Variants in LMO7 observed in about 807,000 individuals in gnomAD.
The protein encoded by LMO7 is LIM domain only protein 7.
Under a neutral mutation model 206.5 loss-of-function variants are expected in LMO7, and 120 were observed. The ratio of observed to expected loss-of-function variants is 0.58; its 90% CI spans 0.50 to 0.68. LMO7 has a LOEUF of 0.68. Ranked by LOEUF, LMO7 falls within the 30% of genes least tolerant of loss-of-function variation. The pLI, the probability that LMO7 is intolerant of heterozygous loss-of-function variation, is 0.00. For synonymous variants in LMO7, 706 were observed against 681.5 expected, an observed-to-expected ratio of 1.04 and a Z score of -0.56; for missense variants, 1,959 against 1,957.9, an observed-to-expected ratio of 1.00 and a Z score of -0.01.
intron 1 of LMO7, among the ~76,000 whole-genome samples, chr13:75,669,533 G>A (rs935401597): frequency 2.6e-5 from 4 of 152,116 alleles, no homozygotes; most frequent in Non-Finnish European, 5.9e-5. Context: ...CAGGAAGTCT[G>A]GGTGATAAGG....
chr13:75,626,574 A>ATG (rs1566249041), intron 2 of LMO7, among the ~76,000 whole-genome samples: 25 of 78,406 alleles, frequency 3.2e-4, no homozygotes, highest in Non-Finnish European at 7.3e-4. Context: ...CTTAACATAT[A>ATG]TATTATATAT....
chr13:75,679,138 A>G (rs1196000627), intron 1 of LMO7, among the ~76,000 whole-genome samples: 1 of 152,212 alleles, frequency 6.6e-6, no homozygotes, highest in Non-Finnish European at 1.5e-5. Context: ...GAACACATAT[A>G]TAGAGCACCT....
At chr13:75,739,648 C>A (rs1162642671) in intron 3 of LMO7, among the ~76,000 whole-genome samples, 6 of 152,178 alleles carry the variant, frequency 3.9e-5, no homozygotes, top group Admixed American at 3.9e-4. Flanking sequence ...TACACACTTC[C>A]CCTCACTCTC....
intron 3 of LMO7, among the ~76,000 whole-genome samples, chr13:75,736,546 T>C (rs2045835169): frequency 1.3e-5 from 2 of 152,254 alleles, no homozygotes; most frequent in South Asian, 4.1e-4. Context: ...TGAAGATTTT[T>C]CTAGTTTACA....
chr13:75,641,825 CTTT>C (rs781445163), intron 1 of LMO7, among the ~76,000 whole-genome samples: 2 of 140,798 alleles, frequency 1.4e-5, no homozygotes. Flanking sequence ...TTTTGTATTT[CTTT>C]TTTTTTTTTT....
At chr13:75,702,486 A>G (rs1376757545) in intron 1 of LMO7, among the ~76,000 whole-genome samples, 2 of 152,246 alleles carry the variant, frequency 1.3e-5, no homozygotes, top group African/African-American at 4.8e-5. Context: ...TGGTTTTGCT[A>G]TCAAATGATA....
Position 75,840,083 on chromosome 13 carries a change from A to C in LMO7, c.3452-2A>C. ...CTTCCTTGCCCATGTGCTGCAACAC[A>C]GGAAGCTCTGATTCGGTGGTTCCTG... On this transcript the variant is annotated splice_acceptor_variant, in intron 20 of 30. Transcript: ENST00000377534. LOFTEE classifies it high-confidence loss of function. The C allele has an allele frequency of 6.2e-7, 1 of 1,613,988 alleles. No individual in the cohort carries two copies. Among genetic ancestry groups the C allele is most frequent in the Non-Finnish European group, 8.5e-7 (1 of 1,179,858 alleles).
At chr13:75,646,575 C>CTT (rs72416416) in intron 1 of LMO7, among the ~76,000 whole-genome samples, 1 of 139,498 alleles carries the variant, frequency 7.2e-6, no homozygotes, top group Non-Finnish European at 1.5e-5. Context: ...GTAGAGAGAA[C>CTT]TTTTTTTTTT....
At chr13:75,728,400 C>T (rs1212118649) in intron 3 of LMO7, among the ~76,000 whole-genome samples, 11 of 152,098 alleles carry the variant, frequency 7.2e-5, no homozygotes, top group East Asian at 1.9e-4. Context: ...TTTCATGTGT[C>T]TTTTGGCTGC....
chr13:75,703,924 A>G (rs927539687), intron 1 of LMO7, among the ~76,000 whole-genome samples: 1 of 152,128 alleles, frequency 6.6e-6, no homozygotes, highest in Admixed American at 6.5e-5. Flanking sequence ...TAATCCTTGC[A>G]TTTGTAAGTT....
In LMO7 at chr13:75,820,911, T is replaced by C. The variant is rs1050685886; in HGVS notation, c.2208-266T>C. Among the ~76,000 whole-genome samples, 7 of 151,914 alleles carry C rather than the reference T, an allele frequency of 4.6e-5. No homozygotes were observed. The East Asian group carries it at 1.4e-3, about 29-fold the overall frequency. On this transcript the variant is annotated intron_variant, in intron 13 of 30. Coordinates refer to ENST00000377534, the MANE Select transcript of LMO7 (RefSeq NM_001306080.2). ...ACTCGGGAGGCTGAGTCAGGAGAAT[T>C]GCTTGAATGCGGGAGGCGGAGGTTG...
chr13:75,855,310 A>G lies in LMO7; in HGVS notation c.4712A>G (p.Lys1571Arg), dbSNP rs1332378891. 1.2e-6 allele frequency: 2 copies of G among 1,613,916 alleles called. No individual in the cohort carries two copies. Among genetic ancestry groups the G allele is most frequent in the Non-Finnish European group, 1.7e-6 (2 of 1,179,900 alleles). Residue 1571 changes from lysine to arginine, a missense_variant, in exon 29 of 31, where the codon AAA becomes AGA. Coordinates refer to ENST00000377534, the MANE Select transcript of LMO7 (RefSeq NM_001306080.2). ...ICSYCNNILG[K>R]GAAMIIESLG... is the part of the protein sequence containing the mutation. ...TCCTACTGCAATAACATTCTGGGCA[A>G]AGGAGCCGCCATGATCATCGAGTCC... is the stretch of plus-strand genomic sequence containing the variant.
At chr13:75,717,197 A>G (rs2043614438) in intron 2 of LMO7, among the ~76,000 whole-genome samples, 1 of 151,876 alleles carries the variant, frequency 6.6e-6, no homozygotes, top group Non-Finnish European at 1.5e-5. Flanking sequence ...CCCCGTCTCT[A>G]TTAAAAATAC....
At chr13:75,638,842 C>A (rs1034185445) in intron 1 of LMO7, among the ~76,000 whole-genome samples, 13 of 151,896 alleles carry the variant, frequency 8.6e-5, no homozygotes, top group Admixed American at 5.3e-4. Context: ...CTTTAAGAAC[C>A]CCTAATCTGA....
At chr13:75,626,595 A>ATATATATATTTTTTTTTTTTTTTTTT in intron 2 of LMO7, among the ~76,000 whole-genome samples, 1 of 71,176 alleles carries the variant, frequency 1.4e-5, no homozygotes, top group African/African-American at 3.6e-5. Flanking sequence ...ATATATATAA[A>ATATATATATTTTTTTTTTTTTTTTTT]TTTTTTTGAG....
At chr13:75,839,326 C>T (rs1348344305) in intron 20 of LMO7, among the ~76,000 whole-genome samples, 1 of 152,068 alleles carries the variant, frequency 6.6e-6, no homozygotes, top group Non-Finnish European at 1.5e-5. Flanking sequence ...GAGTATTTTT[C>T]TAGGTCTCAA....
chr13:75,838,863 T>C (rs2059360721), intron 20 of LMO7, among the ~76,000 whole-genome samples: 2 of 152,202 alleles, frequency 1.3e-5, no homozygotes, highest in African/African-American at 4.8e-5. Flanking sequence ...TAATGCTCTG[T>C]CACATGAATG....
chr13:75,690,665 G>T (rs1293897527), intron 1 of LMO7, among the ~76,000 whole-genome samples: 1 of 152,182 alleles, frequency 6.6e-6, no homozygotes, highest in Non-Finnish European at 1.5e-5. Flanking sequence ...CCTTGTAAGT[G>T]ATTGAAAGCT....
intron 4 of LMO7, among the ~76,000 whole-genome samples, chr13:75,782,088 T>C (rs1381490211): frequency 1.3e-5 from 2 of 152,238 alleles, no homozygotes; most frequent in Non-Finnish European, 2.9e-5. Context: ...GCCTGTTTAC[T>C]CTGATGGTAG....
Sources: allele counts gnomAD v4.1 joint callset (sites outside exome capture counted in the v4.1 genomes callset), GRCh38; gene constraint gnomAD v4.1.1; transcripts MANE v1.5; gene names NCBI Gene and HGNC (gene_info 2026-07-23, HGNC 2026-07-21).